PIP5K1B: variants seen among roughly 807,000 people sequenced by gnomAD.
The protein encoded by PIP5K1B is phosphatidylinositol 4-phosphate 5-kinase type-1 beta.
PIP5K1B carries 42 observed loss-of-function variants against 67.0 expected under a neutral mutation model. That is an observed-to-expected ratio of 0.63 (90% CI 0.49 to 0.81). The LOEUF (loss-of-function observed/expected upper bound fraction) is 0.81, where lower values mean the gene tolerates loss of function less well. Ranked by LOEUF, PIP5K1B falls within the 30% of genes least tolerant of loss-of-function variation. PIP5K1B has a pLI of 0.00. For synonymous variants in PIP5K1B, 214 were observed against 231.4 expected (o/e 0.92, Z 0.68); for missense variants, 459 against 646.3 (o/e 0.71, Z 3.14).
intron 15 of PIP5K1B, among the ~76,000 whole-genome samples, chr9:68,992,652 C>A (rs761758757): frequency 6.7e-6 from 1 of 149,992 alleles, no homozygotes; most frequent in African/African-American, 2.5e-5. Context: ...CCAGCCTGAC[C>A]AGGATGGTGA....
intron 14 of PIP5K1B, among the ~76,000 whole-genome samples, chr9:68,946,384 T>C (rs948899552): frequency 2.0e-5 from 3 of 151,270 alleles, no homozygotes; most frequent in African/African-American, 7.4e-5. Flanking sequence ...TCTTTGTTCT[T>C]TTATGGTTTT....
chr9:68,919,241 T>C (rs1446520997), intron 9 of PIP5K1B, among the ~76,000 whole-genome samples: 1 of 152,202 alleles, frequency 6.6e-6, no homozygotes, highest in Non-Finnish European at 1.5e-5. Flanking sequence ...AGCTACGATA[T>C]TATTCTCCTT....
chr9:68,904,887 G>A (rs1018958091), intron 8 of PIP5K1B, among the ~76,000 whole-genome samples: 5 of 151,840 alleles, frequency 3.3e-5, no homozygotes, highest in African/African-American at 7.3e-5. Flanking sequence ...CTTCCTAAAA[G>A]AGATATTACC....
chr9:68,945,444 C>G (rs547904138), intron 14 of PIP5K1B, among the ~76,000 whole-genome samples: 88 of 152,330 alleles, frequency 5.8e-4, no homozygotes, highest in African/African-American at 2.0e-3. Flanking sequence ...CCGCACCCAG[C>G]CAATGGGCTT....
At chr9:68,991,985 G>T (rs994551113) in intron 15 of PIP5K1B, among the ~76,000 whole-genome samples, 6 of 151,940 alleles carry the variant, frequency 3.9e-5, no homozygotes, top group Admixed American at 6.6e-5. Flanking sequence ...TTTGGGGGGG[G>T]GCAGAGTTTT....
intron 2 of PIP5K1B, among the ~76,000 whole-genome samples, chr9:68,795,161 G>A (rs1252794797): frequency 1.3e-5 from 2 of 152,092 alleles, no homozygotes; most frequent in Non-Finnish European, 2.9e-5. Flanking sequence ...GAGAGAGAGA[G>A]AGAGAGCGTG....
intron 2 of PIP5K1B, among the ~76,000 whole-genome samples, chr9:68,811,934 A>T (rs901725453): frequency 4.6e-5 from 7 of 152,212 alleles, no homozygotes; most frequent in Non-Finnish European, 8.8e-5. Flanking sequence ...ACGCAGAGGT[A>T]GTGATTCCCT....
intron 2 of PIP5K1B, among the ~76,000 whole-genome samples, chr9:68,753,522 T>TC (rs1829751071): frequency 9.5e-6 from 1 of 105,212 alleles, no homozygotes; most frequent in Admixed American, 9.6e-5. Context: ...TTTCTTTTTT[T>TC]TTTTTTTTTT....
At chr9:69,000,547 C>T (rs887909340) in intron 15 of PIP5K1B, among the ~76,000 whole-genome samples, 2 of 152,080 alleles carry the variant, frequency 1.3e-5, no homozygotes, top group African/African-American at 4.8e-5. Flanking sequence ...GGCTGTGAGG[C>T]AAGGATCTGT....
chr9:68,856,078 G>C (rs977861818), intron 4 of PIP5K1B, among the ~76,000 whole-genome samples: 1 of 152,100 alleles, frequency 6.6e-6, no homozygotes, highest in African/African-American at 2.4e-5. Context: ...GTAGCAGCCA[G>C]AGTGAACCTT....
intron 2 of PIP5K1B, among the ~76,000 whole-genome samples, chr9:68,754,175 C>CTTTTTTTTTTTTTTTT (rs71353081): frequency 0.038 from 3,806 of 100,500 alleles, 921 homozygotes; most frequent in African/African-American, 0.067. Context: ...TCCATGATTT[C>CTTTTTTTTTTTTTTTT]TTTTTTTTTT....
intron 6 of PIP5K1B, among the ~76,000 whole-genome samples, chr9:68,877,363 G>A (rs7865318): frequency 0.033 from 4,979 of 152,268 alleles, 285 homozygotes; most frequent in African/African-American, 0.11. Flanking sequence ...AGACACAACA[G>A]CCTTTTTGTA....
intron 12 of PIP5K1B, among the ~76,000 whole-genome samples, chr9:68,924,401 CAAAAAA>C (rs71353093): frequency 3.5e-5 from 3 of 86,766 alleles, no homozygotes; most frequent in Non-Finnish European, 6.6e-5. Context: ...CACTGCGCCT[CAAAAAA>C]AAAAAAAAAA....
chr9:68,880,486 C>T (rs146072795), intron 6 of PIP5K1B, among the ~76,000 whole-genome samples: 1 of 152,000 alleles, frequency 6.6e-6, no homozygotes, highest in Non-Finnish European at 1.5e-5. Flanking sequence ...ACCCCGGAGG[C>T]AAAGGTTGCA....
chr9:68,823,976 A>G (rs1407150588), intron 4 of PIP5K1B: 2 of 407,942 alleles, frequency 4.9e-6, no homozygotes, highest in Non-Finnish European at 9.6e-6. Context: ...TGTCATTCAA[A>G]GTGATGGTGT....
chr9:68,722,845 T>A (rs1827954982), intron 1 of PIP5K1B, among the ~76,000 whole-genome samples: 1 of 152,152 alleles, frequency 6.6e-6, no homozygotes, highest in South Asian at 2.1e-4. Context: ...AAATATACAA[T>A]AAATTATCAT....
At chr9:68,953,975 A>G (rs1218322841) in intron 14 of PIP5K1B, among the ~76,000 whole-genome samples, 1 of 151,950 alleles carries the variant, frequency 6.6e-6, no homozygotes, top group Non-Finnish European at 1.5e-5. Flanking sequence ...ATCTGGCAGG[A>G]ACAGGTGTCT....
At chr9:68,967,889 G>T (rs182931029) in intron 14 of PIP5K1B, among the ~76,000 whole-genome samples, 1 of 152,054 alleles carries the variant, frequency 6.6e-6, no homozygotes, top group African/African-American at 2.4e-5. Context: ...CCCCCATGGG[G>T]GTGAGGTGCT....
chr9:68,976,870 C>T (rs745761317), intron 14 of PIP5K1B, among the ~76,000 whole-genome samples: 21 of 152,278 alleles, frequency 1.4e-4, no homozygotes, highest in African/African-American at 2.9e-4. Flanking sequence ...TGGTTCCTAG[C>T]GGGCCACAGA....
Sources: allele counts gnomAD v4.1 joint callset (sites outside exome capture counted in the v4.1 genomes callset), GRCh38; gene constraint gnomAD v4.1.1; transcripts MANE v1.5; gene names NCBI Gene and HGNC (gene_info 2026-07-23, HGNC 2026-07-21).